Variants in VPS13D observed in about 807,000 individuals in gnomAD.
VPS13D encodes intermembrane lipid transfer protein VPS13D.
VPS13D carries 187 observed loss-of-function variants against 461.9 expected under a neutral mutation model. The ratio of observed to expected loss-of-function variants is 0.40; its 90% CI spans 0.36 to 0.46. The LOEUF is 0.46. Ranked by LOEUF, VPS13D falls within the 20% of genes least tolerant of loss-of-function variation. The pLI, the probability that VPS13D is intolerant of heterozygous loss-of-function variation, is 0.60. For synonymous variants in VPS13D, 1,951 were observed against 1,986.3 expected, an observed-to-expected ratio of 0.98 and a Z score of 0.47; for missense variants, 4,711 against 5,364.9, an observed-to-expected ratio of 0.88 and a Z score of 3.81.
intron 17 of VPS13D, among the ~76,000 whole-genome samples, chr1:12,271,869 GAT>G (rs1337168111): frequency 2.0e-5 from 3 of 152,172 alleles, no homozygotes; most frequent in African/African-American, 7.2e-5. Context: ...GGATGCCATA[GAT>G]AGGGAGGGCC....
chr1:12,245,863 T>A (rs1640534702), intron 5 of VPS13D, among the ~76,000 whole-genome samples: 1 of 152,280 alleles, frequency 6.6e-6, no homozygotes, highest in Admixed American at 6.5e-5. Context: ...AATCATGTAA[T>A]ATATAGCCTG....
At chr1:12,296,313 A>G (rs1475199377) in intron 24 of VPS13D, among the ~76,000 whole-genome samples, 1 of 152,238 alleles carries the variant, frequency 6.6e-6, no homozygotes, top group Non-Finnish European at 1.5e-5. Context: ...TTTAATTCAT[A>G]TCTTTGCCAA....
At position 12,356,071 on chromosome 1, in the gene VPS13D, T is replaced by C. The variant is rs760235039; in HGVS notation, c.9852T>C (p.Tyr3284=). The change falls in exon 48 of 70, where the codon TAT becomes TAC. Residue 3284 remains tyrosine (Y), a synonymous_variant. Coordinates refer to ENST00000620676, the MANE Select transcript of VPS13D (RefSeq NM_015378.4). ...GSLKIFISAP[Y]WLINKTGLPL... ...TAAAGATCTTCATTTCTGCTCCATA[T>C]TGGCTGATTAACAAAACAGGTACAT... 26 of 1,611,262 alleles carry C rather than the reference T, an allele frequency of 1.6e-5. 1 individual carries two copies. The East Asian group carries it at 4.7e-4, about 29-fold the overall frequency.
intron 67 of VPS13D, among the ~76,000 whole-genome samples, chr1:12,485,672 T>A (rs1645788362): frequency 6.6e-6 from 1 of 151,850 alleles, no homozygotes; most frequent in Non-Finnish European, 1.5e-5. Context: ...GTTGGGGGGG[T>A]GGGCCCGCAG....
chr1:12,462,185 T>C (rs1645421973), intron 67 of VPS13D, among the ~76,000 whole-genome samples: 1 of 152,142 alleles, frequency 6.6e-6, no homozygotes, highest in African/African-American at 2.4e-5. Context: ...TTTGCTGAAA[T>C]TGTGACAAAT....
chr1:12,491,122 G>A (rs891995125), intron 67 of VPS13D, among the ~76,000 whole-genome samples: 17 of 152,116 alleles, frequency 1.1e-4, no homozygotes, highest in African/African-American at 4.1e-4. Context: ...GTGCACACTC[G>A]AGCACAGTAT....
At chr1:12,242,720 C>T (rs1283370434) in intron 3 of VPS13D, 130 bp downstream of exon 3, 2 of 791,546 alleles carry the variant, frequency 2.5e-6, no homozygotes, top group Non-Finnish European at 2.0e-6. Flanking sequence ...AGAGTTTAGG[C>T]CAGTCTTAAA....
intron 67 of VPS13D, among the ~76,000 whole-genome samples, chr1:12,461,423 G>A (rs542592382): frequency 1.3e-5 from 2 of 152,346 alleles, no homozygotes; most frequent in African/African-American, 4.8e-5. Context: ...CATGCAGTGT[G>A]CTGTGCCAGA....
intron 7 of VPS13D, among the ~76,000 whole-genome samples, chr1:12,255,050 A>T (rs1339485683): frequency 6.6e-6 from 1 of 151,302 alleles, no homozygotes; most frequent in African/African-American, 2.4e-5. Flanking sequence ...GGTTCAAGTG[A>T]TTCTCCTGCC....
chr1:12,436,413 G>A (rs948658484), intron 65 of VPS13D, among the ~76,000 whole-genome samples: 1 of 152,226 alleles, frequency 6.6e-6, no homozygotes, highest in Non-Finnish European at 1.5e-5. Flanking sequence ...GGGGTGTGCA[G>A]CAGCAGGACT....
intron 60 of VPS13D, among the ~76,000 whole-genome samples, chr1:12,394,797 T>A (rs1414088434): frequency 6.6e-6 from 1 of 152,148 alleles, no homozygotes; most frequent in African/African-American, 2.4e-5. Context: ...TAATCCATAT[T>A]TCAGCTAACC....
rs370969317 is a variant in VPS13D at position 12,333,247 on chromosome 1, C to T, written c.8309C>T (p.Pro2770Leu). 2.0e-5 allele frequency: 32 copies of T among 1,613,874 alleles called. No homozygotes were observed. Among genetic ancestry groups the T allele is most frequent in the Non-Finnish European group, 2.7e-5 (32 of 1,179,886 alleles). The change falls in exon 38 of 70, where the codon CCT (proline) becomes CTT (leucine). Residue 2770 changes from proline to leucine, a missense_variant. Transcript: ENST00000620676. Reference protein sequence around the residue: ...ALSGWEPFIEPWPCSVSWQQQ... With the variant: ...ALSGWEPFIELWPCSVSWQQQ... ...TTAGGCTGGGAGCCATTTATTGAGC[C>T]TTGGCCATGCTCTGTATCCTGGCAA...
chr1:12,508,354 G>T (rs76386504), intron 69 of VPS13D, among the ~76,000 whole-genome samples: 4,079 of 152,062 alleles, frequency 0.027, 138 homozygotes, highest in Admixed American at 0.1. Flanking sequence ...TTATGGCCGT[G>T]GGGGGGAGTT....
At chr1:12,290,091 T>G (rs1642083116) in intron 22 of VPS13D, among the ~76,000 whole-genome samples, 2 of 152,166 alleles carry the variant, frequency 1.3e-5, no homozygotes, top group African/African-American at 4.8e-5. Flanking sequence ...ATCCATACAG[T>G]GTTAATAATG....
chr1:12,232,290 T>C (rs1435445814), intron 1 of VPS13D, among the ~76,000 whole-genome samples: 1 of 152,232 alleles, frequency 6.6e-6, no homozygotes, highest in Non-Finnish European at 1.5e-5. Context: ...AAAGCCAGTT[T>C]TTCCAGGAGA....
chr1:12,386,473 A>G, intron 60 of VPS13D, 139 bp downstream of exon 60: 2 of 1,022,882 alleles, frequency 2.0e-6, no homozygotes, highest in Non-Finnish European at 2.7e-6. Flanking sequence ...TCTGTGAAAT[A>G]GTTGTTTCTA....
chr1:12,378,865 C>T (rs561687821), intron 56 of VPS13D, among the ~76,000 whole-genome samples: 2 of 152,226 alleles, frequency 1.3e-5, no homozygotes, highest in Admixed American at 6.5e-5. Context: ...AATTCCAGTC[C>T]GTCCTTATTC....
intron 65 of VPS13D, among the ~76,000 whole-genome samples, chr1:12,433,657 G>A (rs1276518761): frequency 6.6e-6 from 1 of 152,162 alleles, no homozygotes; most frequent in Admixed American, 6.5e-5. Flanking sequence ...CATTCATTCA[G>A]GCCTGTAACA....
chr1:12,343,526 C>G (rs1397529304), intron 42 of VPS13D, among the ~76,000 whole-genome samples: 2 of 151,510 alleles, frequency 1.3e-5, no homozygotes, highest in Non-Finnish European at 2.9e-5. Flanking sequence ...ATCAGTGTTT[C>G]CTTTTATTAT....
Sources: gnomAD v4.1 joint callset for allele counts (sites outside exome capture counted in the v4.1 genomes callset) on GRCh38, gnomAD v4.1.1 for gene constraint, MANE v1.5 for transcripts, NCBI Gene and HGNC (gene_info 2026-07-23, HGNC 2026-07-21) for gene names.